The following LIMCH1 variants were observed in gnomAD, a reference collection of about 807,000 sequenced individuals.
The protein encoded by LIMCH1 is LIM and calponin homology domains-containing protein 1.
In LIMCH1, 113 loss-of-function variants were observed where a neutral mutation model predicts 176.5. That is an observed-to-expected ratio of 0.64 (90% CI 0.55 to 0.75). The LOEUF (loss-of-function observed/expected upper bound fraction) is 0.75. Among genes scored for constraint, LIMCH1 ranks in the 30% least tolerant of loss-of-function variants. LIMCH1 has a pLI of 0.00. For synonymous variants in LIMCH1, 619 were observed against 645.9 expected, an observed-to-expected ratio of 0.96 and a Z score of 0.63; for missense variants, 1,674 against 1,814.9, an observed-to-expected ratio of 0.92 and a Z score of 1.41.
intron 1 of LIMCH1, among the ~76,000 whole-genome samples, chr4:41,570,064 C>T (rs1395111977): frequency 2.0e-5 from 3 of 152,202 alleles, no homozygotes; most frequent in African/African-American, 7.2e-5. Flanking sequence ...GGTTGGTGGA[C>T]AGCAGGTCCC....
chr4:41,689,738 G>T, intron 30 of LIMCH1, 103 bp downstream of exon 30: 1 of 720,606 alleles, frequency 1.4e-6, no homozygotes, highest in South Asian at 1.6e-5. Flanking sequence ...GGCTTTGTCT[G>T]TGAGGTCTCA....
intron 1 of LIMCH1, among the ~76,000 whole-genome samples, chr4:41,541,517 A>T (rs1476163224): frequency 6.6e-6 from 1 of 152,252 alleles, no homozygotes; most frequent in Non-Finnish European, 1.5e-5. Flanking sequence ...GATCTTCAGC[A>T]GTACCTGCCC....
intron 1 of LIMCH1, among the ~76,000 whole-genome samples, chr4:41,547,515 A>ATC (rs2079630900): frequency 1.3e-5 from 2 of 150,526 alleles, no homozygotes; most frequent in African/African-American, 4.9e-5. Context: ...TGGGCTAATA[A>ATC]TTTAAGTTTC....
At chr4:41,676,322 C>T in intron 22 of LIMCH1, 60 bp from the exon 23 acceptor site, 1 of 1,385,294 alleles carries the variant, frequency 7.2e-7, no homozygotes, top group Non-Finnish European at 1.0e-6. Flanking sequence ...CTACTCTTCA[C>T]CCGGCCTGTC....
chr4:41,654,241 T>C (rs1445921003), intron 18 of LIMCH1, among the ~76,000 whole-genome samples: 1 of 152,182 alleles, frequency 6.6e-6, no homozygotes, highest in Non-Finnish European at 1.5e-5. Flanking sequence ...TTTGATCTTT[T>C]CCTGGGCTAG....
At chr4:41,547,653 C>G (rs28437846) in intron 1 of LIMCH1, among the ~76,000 whole-genome samples, 1,903 of 142,660 alleles carry the variant, frequency 0.013, 34 homozygotes, top group African/African-American at 0.042. Context: ...ATAATATATA[C>G]AGATATAAAT....
chr4:41,662,775 G>A, intron 19 of LIMCH1, 46 bp from the exon 20 acceptor site: 1 of 1,603,662 alleles, frequency 6.2e-7, no homozygotes, highest in Non-Finnish European at 8.5e-7. Context: ...ATAGATATTT[G>A]ATTTTCTTTT....
At chr4:41,386,213 G>C (rs1310921183) in intron 1 of LIMCH1, among the ~76,000 whole-genome samples, 1 of 149,400 alleles carries the variant, frequency 6.7e-6, no homozygotes, top group Non-Finnish European at 1.5e-5. Context: ...CCTGTAAATG[G>C]TTGCTATTCC....
At chr4:41,650,293 T>C in intron 17 of LIMCH1, 100 bp from the exon 18 acceptor site, 4 of 825,172 alleles carry the variant, frequency 4.8e-6, no homozygotes, top group Non-Finnish European at 7.9e-6. Context: ...CTCTGGTTAT[T>C]AAATGATGAT....
intron 1 of LIMCH1, among the ~76,000 whole-genome samples, chr4:41,399,291 A>G (rs1394522283): frequency 2.0e-5 from 3 of 152,162 alleles, no homozygotes. Context: ...TGGCACAAAT[A>G]AGGAAAAAAA....
Position 41,681,020 on chromosome 4 carries a change from G to C in LIMCH1, c.3678G>C (p.Leu1226=). ...FTVSSSSADQ[L]STSSSMTEGS... ...TTTCTTCAAGTTCCGCTGACCAGCT[G>C]TCTACCTCTTCCTCCATGACTGAAG... is the stretch of plus-strand genomic sequence containing the variant. The change falls in exon 25 of 32, where the codon CTG becomes CTC. Residue 1226 remains leucine (L), a synonymous_variant. Transcript: ENST00000503057. The C allele has an allele frequency of 1.2e-6, 2 of 1,612,478 alleles. No individual in the cohort carries two copies. The highest frequency in any genetic ancestry group is 1.7e-6 in the Non-Finnish European group (2 of 1,178,720).
intron 1 of LIMCH1, among the ~76,000 whole-genome samples, chr4:41,362,284 C>T (rs564962171): frequency 1.3e-5 from 2 of 152,274 alleles, no homozygotes; most frequent in East Asian, 3.9e-4. Flanking sequence ...TGCTGAAAGC[C>T]CCAGGCATGT....
At chr4:41,656,152 C>T (rs2094458849) in intron 18 of LIMCH1, among the ~76,000 whole-genome samples, 1 of 152,192 alleles carries the variant, frequency 6.6e-6, no homozygotes, top group Non-Finnish European at 1.5e-5. Context: ...TGAAAAAGCT[C>T]TAGGTCTTCC....
At chr4:41,362,567 T>C (rs1299201156) in intron 1 of LIMCH1, among the ~76,000 whole-genome samples, 2 of 152,206 alleles carry the variant, frequency 1.3e-5, no homozygotes, top group Non-Finnish European at 2.9e-5. Context: ...TTACTATTCT[T>C]GAAGGCAAGT....
chr4:41,414,394 T>G (rs2059744726), intron 1 of LIMCH1, among the ~76,000 whole-genome samples: 1 of 152,188 alleles, frequency 6.6e-6, no homozygotes, highest in Non-Finnish European at 1.5e-5. Context: ...AAAACTGTTT[T>G]CCTCTCAACT....
In LIMCH1 at chr4:41,408,193, T is replaced by C. The variant is rs1220618812; in HGVS notation, c.96+47257T>C. On this transcript the variant is annotated intron_variant, in intron 1 of 26. Coordinates refer to the LIMCH1 transcript ENST00000313860. Reference sequence around the variant, plus strand: ...GTAGGGAGACAAGCCTGGGAGAACTTTAAGGAGTCAAGGAAAATAACAGAT... The same window carrying C: ...GTAGGGAGACAAGCCTGGGAGAACTCTAAGGAGTCAAGGAAAATAACAGAT... Among the ~76,000 whole-genome samples the C allele has an allele frequency of 3.3e-5, 5 of 152,012 alleles. No homozygotes were observed. In the East Asian group the frequency reaches 9.7e-4, roughly 29 times the overall value.
chr4:41,670,763 G>T, intron 21 of LIMCH1: 1 of 1,535,948 alleles, frequency 6.5e-7, no homozygotes, highest in Non-Finnish European at 8.7e-7. Flanking sequence ...CAGAACTCTT[G>T]GCGACGATCC....
chr4:41,661,834 C>A, intron 19 of LIMCH1: 2 of 381,618 alleles, frequency 5.2e-6, no homozygotes, highest in Non-Finnish European at 9.7e-6. Context: ...TTTTGACACA[C>A]AGTAACAGCA....
chr4:41,596,561 A>T (rs2088859895), intron 1 of LIMCH1, among the ~76,000 whole-genome samples: 1 of 152,254 alleles, frequency 6.6e-6, no homozygotes, highest in Non-Finnish European at 1.5e-5. Context: ...CAGCGACAGG[A>T]TGATCAATGC....
Sources: allele counts gnomAD v4.1 joint callset (sites outside exome capture counted in the v4.1 genomes callset), GRCh38; gene constraint gnomAD v4.1.1; transcripts MANE v1.5; gene names NCBI Gene and HGNC (gene_info 2026-07-23, HGNC 2026-07-21).